RBFOX1: variants seen among roughly 807,000 people sequenced by gnomAD.
RBFOX1 encodes the protein RNA binding fox-1 homolog 1.
Under a neutral mutation model 57.7 loss-of-function variants are expected in RBFOX1, and 8 were observed. The ratio of observed to expected loss-of-function variants is 0.14; its 90% CI spans 0.08 to 0.25. RBFOX1 has a LOEUF of 0.25. Ranked by LOEUF, RBFOX1 falls within the 10% of genes least tolerant of loss-of-function variation. The probability of loss-of-function intolerance (pLI) is 1.00; values close to 1 mark genes in which losing one functional copy is unlikely to be tolerated. For synonymous variants in RBFOX1, 326 were observed against 222.4 expected (o/e 1.47, Z -4.15); for missense variants, 611 against 548.5 (o/e 1.11, Z -1.14).
chr16:7,433,007 A>G (rs1403097857), intron 4 of RBFOX1, among the ~76,000 whole-genome samples: 1 of 152,148 alleles, frequency 6.6e-6, no homozygotes, highest in Non-Finnish European at 1.5e-5. Flanking sequence ...GGAGGTTTAT[A>G]TCTTGTAGCC....
intron 2 of RBFOX1, among the ~76,000 whole-genome samples, chr16:6,485,258 T>A (rs879522623): frequency 4.6e-5 from 7 of 152,182 alleles, no homozygotes; most frequent in Non-Finnish European, 1.0e-4. Flanking sequence ...CTCCCCTCTA[T>A]TAGAATACTC....
At chr16:7,683,103 C>G (rs1482637081) in intron 14 of RBFOX1, among the ~76,000 whole-genome samples, 1 of 110,738 alleles carries the variant, frequency 9.0e-6, no homozygotes, top group Non-Finnish European at 1.9e-5. Context: ...TAAGATAATT[C>G]TATTTCCTCC....
intron 2 of RBFOX1, among the ~76,000 whole-genome samples, chr16:6,532,873 T>C (rs1032756616): frequency 6.6e-6 from 1 of 152,228 alleles, no homozygotes; most frequent in African/African-American, 2.4e-5. Context: ...TTGAAGACCC[T>C]TCTCTGGCCC....
At chr16:5,373,826 A>G (rs1253210069) in intron 1 of RBFOX1, among the ~76,000 whole-genome samples, 4 of 151,798 alleles carry the variant, frequency 2.6e-5, no homozygotes, top group African/African-American at 9.7e-5. Context: ...CTGGTCTCGA[A>G]CTCCTGACCT....
chr16:6,884,685 G>T (rs956798124), intron 3 of RBFOX1, among the ~76,000 whole-genome samples: 3 of 152,200 alleles, frequency 2.0e-5, no homozygotes, highest in Admixed American at 1.3e-4. Flanking sequence ...ATCACTTGAG[G>T]CCAGGGGTTC....
At chr16:7,524,644 G>T (rs928322639) in intron 5 of RBFOX1, among the ~76,000 whole-genome samples, 1 of 152,216 alleles carries the variant, frequency 6.6e-6, no homozygotes, top group African/African-American at 2.4e-5. Flanking sequence ...GAATGTGGGT[G>T]CCCCAGCTAG....
In RBFOX1 at chr16:6,391,511, A is replaced by G. The variant is rs181805314; in HGVS notation, c.-64+74454A>G. Among the ~76,000 whole-genome samples, 371 of 147,608 alleles carry G rather than the reference A, an allele frequency of 2.5e-3. 4 individuals are homozygous for G. The highest frequency in any genetic ancestry group is 8.5e-3 in the African/African-American group (344 of 40,696). On this transcript the variant is annotated intron_variant, in intron 2 of 15. Coordinates refer to ENST00000550418, the MANE Select transcript of RBFOX1 (RefSeq NM_018723.4). ...GGCAACAGAACAAGACTCCGTCTCAAAAAAAAAAAAAAAGAAAAAAAAGTA... is the reference window on the plus strand; with the variant it reads ...GGCAACAGAACAAGACTCCGTCTCAGAAAAAAAAAAAAAGAAAAAAAAGTA...
chr16:6,197,379 C>A (rs1174367065), intron 1 of RBFOX1, among the ~76,000 whole-genome samples: 1 of 152,270 alleles, frequency 6.6e-6, no homozygotes, highest in African/African-American at 2.4e-5. Context: ...TACCCCTCCA[C>A]CCCATCCGCA....
chr16:6,058,663 C>T (rs988196592), intron 1 of RBFOX1, among the ~76,000 whole-genome samples: 1 of 150,780 alleles, frequency 6.6e-6, no homozygotes, highest in Non-Finnish European at 1.5e-5. Context: ...CCCATCCATC[C>T]ATCCACCCAC....
chr16:7,062,892 CATTTTTTTTTTTTT>C (rs371779198), intron 4 of RBFOX1, among the ~76,000 whole-genome samples: 959 of 59,940 alleles, frequency 0.016, 59 homozygotes, highest in African/African-American at 0.046. Flanking sequence ...AAATGATCGC[CATTTTTTTTTTTTT>C]TTTTTTTTTT....
At chr16:5,805,143 G>C (rs747588715) in intron 3 of RBFOX1, among the ~76,000 whole-genome samples, 75 of 152,110 alleles carry the variant, frequency 4.9e-4, no homozygotes, top group Non-Finnish European at 7.6e-4. Flanking sequence ...TCTTTGAGGA[G>C]ACCTGGGCTG....
intron 3 of RBFOX1, among the ~76,000 whole-genome samples, chr16:6,944,349 T>G (rs1158435718): frequency 5.4e-5 from 8 of 148,244 alleles, no homozygotes; most frequent in South Asian, 2.1e-4. Flanking sequence ...GTGCCAAGAT[T>G]GCGCCGTTGT....
At position 7,711,762 on chromosome 16, in the gene RBFOX1, C is replaced by T. The variant is rs1282324308; in HGVS notation, c.*1017C>T. 6 of 152,450 alleles carry T rather than the reference C, an allele frequency of 3.9e-5. No individual in the cohort carries two copies. Among genetic ancestry groups the T allele is most frequent in the Admixed American group, 3.3e-4 (5 of 15,282 alleles). The allele number at this position is 152,450 out of a possible 1,614,324, so 9.4% of individuals were successfully genotyped here. On this transcript the variant is annotated 3_prime_UTR_variant, in exon 16 of 16. Transcript: ENST00000550418. ...TAGTAGAACAACTGTTAGAGACAGA[C>T]GTATAATTTTTATGGAATTACATGA... is the stretch of plus-strand genomic sequence containing the variant.
rs113654088 is a variant in RBFOX1, at chr16:5,247,814, C to T, written c.219+7709C>T. Among the ~76,000 whole-genome samples the T allele has an allele frequency of 5.0e-3, 763 of 152,308 alleles. 10 individuals are homozygous for T. Among genetic ancestry groups the T allele is most frequent in the African/African-American group, 0.017 (719 of 41,552 alleles). On this transcript the variant is annotated intron_variant, in intron 1 of 2. Transcript: ENST00000585867. Reference sequence around the variant, plus strand: ...TTAAGAGGACTTTGTACCACCCTGACATCCCAGGCGGCCATGAGTCCAGCC... The same window carrying T: ...TTAAGAGGACTTTGTACCACCCTGATATCCCAGGCGGCCATGAGTCCAGCC...
intron 3 of RBFOX1, among the ~76,000 whole-genome samples, chr16:6,966,992 T>C (rs766987259): frequency 6.6e-6 from 1 of 152,130 alleles, no homozygotes; most frequent in African/African-American, 2.4e-5. Flanking sequence ...CATCTACTTA[T>C]ACATCCCTCT....
chr16:6,331,873 A>C (rs537636382), intron 2 of RBFOX1, among the ~76,000 whole-genome samples: 2 of 151,876 alleles, frequency 1.3e-5, no homozygotes, highest in East Asian at 3.9e-4. Flanking sequence ...CTGGTTCCTG[A>C]GTTTGCCTTG....
chr16:5,892,455 A>T (rs555666576), intron 4 of RBFOX1, among the ~76,000 whole-genome samples: 40 of 152,306 alleles, frequency 2.6e-4, no homozygotes, highest in East Asian at 1.9e-4. Flanking sequence ...ATGGTACTTT[A>T]AATGGGTTAA....
In RBFOX1 at chr16:6,958,772, A is replaced by G. The variant is rs569343034; in HGVS notation, c.-15-93285A>G. On this transcript the variant is annotated intron_variant, in intron 3 of 15. Transcript: ENST00000550418. Reference sequence around the variant, plus strand: ...TATGCTTAAAAATTTATGGGCAGAAACATTAATGAAAATGAGGCGTGAATT... The same window carrying G: ...TATGCTTAAAAATTTATGGGCAGAAGCATTAATGAAAATGAGGCGTGAATT... 3.3e-5 allele frequency among the ~76,000 whole-genome samples: 5 copies of G among 152,292 alleles called. No homozygotes were observed. In the East Asian group the frequency reaches 9.7e-4, roughly 29 times the overall value.
At chr16:7,522,774 A>T (rs534814804) in intron 5 of RBFOX1, among the ~76,000 whole-genome samples, 40 of 152,346 alleles carry the variant, frequency 2.6e-4, no homozygotes, top group African/African-American at 9.1e-4. Context: ...GATAAGAAGG[A>T]ATAGGATCAA....
Sources: allele counts gnomAD v4.1 joint callset (sites outside exome capture counted in the v4.1 genomes callset), GRCh38; gene constraint gnomAD v4.1.1; transcripts MANE v1.5; gene names NCBI Gene and HGNC (gene_info 2026-07-23, HGNC 2026-07-21).